ERC1: variants seen among roughly 807,000 people sequenced by gnomAD.
ERC1 encodes the protein ELKS/RAB6-interacting/CAST family member 1.
ERC1 carries 56 observed loss-of-function variants against 132.0 expected under a neutral mutation model. The ratio of observed to expected loss-of-function variants is 0.42; its 90% CI spans 0.34 to 0.53. The LOEUF (loss-of-function observed/expected upper bound fraction) is 0.53, where lower values mean the gene tolerates loss of function less well. Ranked by LOEUF, ERC1 falls within the 20% of genes least tolerant of loss-of-function variation. ERC1 has a pLI of 0.03. For synonymous variants in ERC1, 478 were observed against 476.1 expected, an observed-to-expected ratio of 1.00 and a Z score of -0.05; for missense variants, 1,202 against 1,349.9, an observed-to-expected ratio of 0.89 and a Z score of 1.72.
At chr12:1,200,749 G>A (rs913250118) in intron 12 of ERC1, among the ~76,000 whole-genome samples, 1 of 151,942 alleles carries the variant, frequency 6.6e-6, no homozygotes, top group Non-Finnish European at 1.5e-5. Flanking sequence ...TAGTAGAGAT[G>A]GGGTTTCACC....
chr12:1,316,079 G>A (rs547823002), intron 15 of ERC1, among the ~76,000 whole-genome samples: 1 of 152,140 alleles, frequency 6.6e-6, no homozygotes, highest in Non-Finnish European at 1.5e-5. Context: ...TAGTAGAAAT[G>A]GGGTTTCACC....
At chr12:1,310,229 A>G (rs78038799) in intron 15 of ERC1, among the ~76,000 whole-genome samples, 54,814 of 147,778 alleles carry the variant, frequency 0.37, 10,273 homozygotes, top group Middle Eastern at 0.47. Flanking sequence ...ATTTTATTTT[A>G]TTTTATTTTA....
chr12:1,202,505 A>G (rs151179311), intron 12 of ERC1, among the ~76,000 whole-genome samples: 181 of 152,190 alleles, frequency 1.2e-3, no homozygotes, highest in Non-Finnish European at 1.5e-3. Context: ...AAAAATACAA[A>G]TATTAGCCAG....
At chr12:1,252,183 A>G (rs61912028) in intron 13 of ERC1, among the ~76,000 whole-genome samples, 29,972 of 152,032 alleles carry the variant, frequency 0.2, 3,450 homozygotes, top group Non-Finnish European at 0.27. Flanking sequence ...TGTACAACAA[A>G]GTGTTGTTAG....
intron 12 of ERC1, among the ~76,000 whole-genome samples, chr12:1,219,378 A>G (rs1958744440): frequency 2.6e-5 from 4 of 152,170 alleles, no homozygotes; most frequent in Admixed American, 2.0e-4. Flanking sequence ...CCCACCCTCA[A>G]TAAATGGTAC....
At chr12:1,440,660 GTGTGTGTGA>G in intron 17 of ERC1, among the ~76,000 whole-genome samples, 1 of 114,902 alleles carries the variant, frequency 8.7e-6, no homozygotes, top group Non-Finnish European at 1.8e-5. Flanking sequence ...GTGTGTGTGT[GTGTGTGTGA>G]TGGAGTCTCA....
intron 2 of ERC1, among the ~76,000 whole-genome samples, chr12:1,047,249 C>T (rs974045568): frequency 2.0e-5 from 3 of 151,976 alleles, no homozygotes; most frequent in Non-Finnish European, 4.4e-5. Flanking sequence ...AAATATTTAT[C>T]GTGTTGTTCT....
chr12:1,411,413 C>T (rs1331023842), intron 17 of ERC1, among the ~76,000 whole-genome samples: 1 of 151,926 alleles, frequency 6.6e-6, no homozygotes, highest in Non-Finnish European at 1.5e-5. Flanking sequence ...ATGATGAGGA[C>T]ATGTGTAGAT....
intron 17 of ERC1, among the ~76,000 whole-genome samples, chr12:1,420,720 G>T (rs2092391189): frequency 6.6e-6 from 1 of 152,118 alleles, no homozygotes; most frequent in South Asian, 2.1e-4. Context: ...CCCCCAAAGT[G>T]CTGGGATTAC....
intron 8 of ERC1, among the ~76,000 whole-genome samples, chr12:1,161,640 C>A (rs1223906775): frequency 6.6e-6 from 1 of 152,136 alleles, no homozygotes; most frequent in Non-Finnish European, 1.5e-5. Context: ...GATTTTCAAT[C>A]AAAAACTGTA....
chr12:1,286,449 T>G (rs1370638021), intron 14 of ERC1, among the ~76,000 whole-genome samples: 1 of 152,162 alleles, frequency 6.6e-6, no homozygotes, highest in African/African-American at 2.4e-5. Context: ...CAAGGGAATT[T>G]CCTTAACTTA....
rs544218011 is a variant in ERC1 at position 1,033,434 on chromosome 12, G to C, written c.669+4862G>C. Among the ~76,000 whole-genome samples the C allele has an allele frequency of 5.9e-5, 9 of 151,262 alleles. No homozygotes were observed. The South Asian group carries it at 8.3e-4, about 14-fold the overall frequency. On this transcript the variant is annotated intron_variant, in intron 2 of 18. Transcript: ENST00000360905. Reference sequence around the variant, plus strand: ...AATCCACCTGCCTTGGCCTCCCAAAGTGTTGGGATCACAGTCATGAGCCAC... The same window carrying C: ...AATCCACCTGCCTTGGCCTCCCAAACTGTTGGGATCACAGTCATGAGCCAC...
intron 2 of ERC1, among the ~76,000 whole-genome samples, chr12:1,078,252 TTC>T (rs1941649185): frequency 6.6e-6 from 1 of 152,194 alleles, no homozygotes; most frequent in African/African-American, 2.4e-5. Context: ...TTGGGATATA[TTC>T]ACTCAGGAGT....
chr12:1,274,436 G>A (rs1275183467), intron 14 of ERC1, among the ~76,000 whole-genome samples: 2 of 152,008 alleles, frequency 1.3e-5, no homozygotes, highest in Non-Finnish European at 2.9e-5. Context: ...CTTATTTAGA[G>A]TGAATGGTCA....
At chr12:1,067,800 T>C (rs1399487996) in intron 2 of ERC1, among the ~76,000 whole-genome samples, 1 of 152,208 alleles carries the variant, frequency 6.6e-6, no homozygotes, top group African/African-American at 2.4e-5. Context: ...TTTGTTATAA[T>C]GATAGTTCTC....
intron 15 of ERC1, among the ~76,000 whole-genome samples, chr12:1,311,768 T>G (rs1380115223): frequency 6.6e-6 from 1 of 152,190 alleles, no homozygotes; most frequent in East Asian, 1.9e-4. Context: ...GAGTTATCAG[T>G]TATTTTTCTG....
chr12:1,262,763 A>G (rs1282863234), intron 13 of ERC1, among the ~76,000 whole-genome samples: 1 of 152,160 alleles, frequency 6.6e-6, no homozygotes, highest in Non-Finnish European at 1.5e-5. Flanking sequence ...GCTGTCTAAC[A>G]CAGTTTTGTT....
intron 14 of ERC1, among the ~76,000 whole-genome samples, chr12:1,267,479 C>A (rs905991254): frequency 1.3e-5 from 2 of 152,132 alleles, no homozygotes; most frequent in African/African-American, 4.8e-5. Context: ...TTCACTGGGC[C>A]GGGATACAGT....
At chr12:1,121,869 C>G (rs1381530598) in intron 7 of ERC1, among the ~76,000 whole-genome samples, 1 of 71,444 alleles carries the variant, frequency 1.4e-5, no homozygotes, top group African/African-American at 6.5e-5. Context: ...ATCTCTATCT[C>G]TATCTCTATC....
Sources: allele counts gnomAD v4.1 joint callset (sites outside exome capture counted in the v4.1 genomes callset), GRCh38; gene constraint gnomAD v4.1.1; transcripts MANE v1.5; gene names NCBI Gene and HGNC (gene_info 2026-07-23, HGNC 2026-07-21).